SCPEP1: variants seen among roughly 807,000 people sequenced by gnomAD.
SCPEP1 encodes retinoid-inducible serine carboxypeptidase.
In SCPEP1, 51 loss-of-function variants were observed where a neutral mutation model predicts 63.8. The ratio of observed to expected loss-of-function variants is 0.80; its 90% CI spans 0.64 to 1.01. The LOEUF is 1.01. Among genes scored for constraint, SCPEP1 ranks in the 50% least tolerant of loss-of-function variants. The pLI is 0.00. For missense variants in SCPEP1, 499 were observed against 554.9 expected (o/e 0.90, Z 1.01); for synonymous variants, 204 against 207.8 (o/e 0.98, Z 0.16).
At chr17:56,987,886 T>A (rs1478531507) in intron 4 of SCPEP1, 36 bp downstream of exon 4, 1 of 1,609,434 alleles carries the variant, frequency 6.2e-7, no homozygotes, top group Non-Finnish European at 8.5e-7. Flanking sequence ...AGTAAAGGGC[T>A]GGCAATATCA....
chr17:56,986,591 G>A (rs1208563198), intron 3 of SCPEP1, among the ~76,000 whole-genome samples: 1 of 150,528 alleles, frequency 6.6e-6, no homozygotes, highest in Non-Finnish European at 1.5e-5. Context: ...TTTCGCCCAG[G>A]CCAGAGTGCA....
intron 5 of SCPEP1, among the ~76,000 whole-genome samples, chr17:56,988,581 A>G (rs1304741450): frequency 1.3e-5 from 2 of 152,014 alleles, no homozygotes; most frequent in Non-Finnish European, 2.9e-5. Context: ...ACACACATAT[A>G]TATGTATGTG....
chr17:56,995,857 C>CT (rs1300826320), intron 8 of SCPEP1: 6 of 267,734 alleles, frequency 2.2e-5, no homozygotes, highest in Non-Finnish European at 4.1e-5. Flanking sequence ...TTGTCCTTCA[C>CT]TAAATGTATG....
At position 56,985,430 on chromosome 17, in the gene SCPEP1, C is replaced by T; in HGVS notation, c.278C>T (p.Pro93Leu). 1.2e-6 allele frequency: 2 copies of T among 1,614,142 alleles called. No homozygotes were observed. The highest frequency in any genetic ancestry group is 4.5e-5 in the East Asian group (2 of 44,876). ...TGFGNFEEIG[P>L]LDSDLKPRKT... ...TTTGGAAACTTTGAGGAAATTGGGC[C>T]CCTTGACAGTGATCTCAAACCACGG... is the stretch of plus-strand genomic sequence containing the variant. The change falls in exon 3 of 13, where the codon CCC becomes CTC. Residue 93 changes from proline (P) to leucine (L), a missense_variant. Transcript: ENST00000262288.
intron 7 of SCPEP1, 89 bp from the exon 8 acceptor site, chr17:56,995,418 C>G: frequency 7.1e-7 from 1 of 1,414,052 alleles, no homozygotes; most frequent in Non-Finnish European, 9.7e-7. Flanking sequence ...CTTCCTTCCC[C>G]TCTTTCTCCT....
intron 1 of SCPEP1, among the ~76,000 whole-genome samples, chr17:56,978,535 G>T (rs1910982495): frequency 6.6e-6 from 1 of 151,984 alleles, no homozygotes; most frequent in African/African-American, 2.4e-5. Flanking sequence ...AGGTTTCCCC[G>T]ATTCAAAGGC....
In SCPEP1 at chr17:56,994,975, C is replaced by T. The variant is rs1019260258; in HGVS notation, c.620-6C>T. 6.2e-7 allele frequency: 1 copy of T among 1,612,140 alleles called. No individual in the cohort carries two copies. Among genetic ancestry groups the T allele is most frequent in the Non-Finnish European group, 8.5e-7 (1 of 1,178,282 alleles). On this transcript the variant is annotated splice_region_variant and splice_polypyrimidine_tract_variant and intron_variant, in intron 6 of 12. Transcript: ENST00000262288. ...ACTTGATTTGTACATATGTGATTTC[C>T]TTTAGATTCGGTGCTCTCCTGGGGA...
chr17:57,005,344 GTTTGTCACATATA>G (rs1911852565), intron 12 of SCPEP1, among the ~76,000 whole-genome samples: 1 of 152,186 alleles, frequency 6.6e-6, no homozygotes, highest in Non-Finnish European at 1.5e-5. Context: ...TTTCCTGTTG[GTTTGTCACATATA>G]GAACAACAGA....
At chr17:56,986,460 C>T (rs535915682) in intron 3 of SCPEP1, among the ~76,000 whole-genome samples, 1 of 152,076 alleles carries the variant, frequency 6.6e-6, no homozygotes, top group African/African-American at 2.4e-5. Flanking sequence ...CCTCGTGATC[C>T]ACCTGCCTCA....
At chr17:56,982,039 G>T (rs947057079) in intron 2 of SCPEP1, among the ~76,000 whole-genome samples, 16 of 152,296 alleles carry the variant, frequency 1.1e-4, no homozygotes, top group Middle Eastern at 3.4e-3. Context: ...TTAACCTTGA[G>T]CTCTGATTGT....
intron 5 of SCPEP1, 69 bp downstream of exon 5, chr17:56,988,359 C>G (rs867452456): frequency 7.6e-6 from 9 of 1,180,058 alleles, no homozygotes; most frequent in East Asian, 2.4e-5. Flanking sequence ...TATGTACTCA[C>G]GTGCTATTAA....
At chr17:56,997,708 C>G (rs1295735826) in intron 9 of SCPEP1, among the ~76,000 whole-genome samples, 1 of 152,038 alleles carries the variant, frequency 6.6e-6, no homozygotes, top group Non-Finnish European at 1.5e-5. Context: ...CCCTTCCCAC[C>G]CAGTTCCCTA....
At chr17:56,983,002 C>T (rs539666579) in intron 2 of SCPEP1, 2 of 152,130 alleles carry the variant, frequency 1.3e-5, no homozygotes, top group South Asian at 2.1e-4. Flanking sequence ...CTTTGAGAAT[C>T]GAAGTCATGT....
chr17:56,978,578 G>A (rs905335278), intron 1 of SCPEP1, among the ~76,000 whole-genome samples: 3 of 151,996 alleles, frequency 2.0e-5, no homozygotes, highest in African/African-American at 2.4e-5. Context: ...ATATAAGGTC[G>A]TTTTATTTTA....
intron 1 of SCPEP1, among the ~76,000 whole-genome samples, chr17:56,979,067 T>C (rs1910995680): frequency 6.6e-6 from 1 of 152,252 alleles, no homozygotes; most frequent in Non-Finnish European, 1.5e-5. Context: ...TAATCGTGTG[T>C]TACTTGTATA....
intron 9 of SCPEP1, among the ~76,000 whole-genome samples, chr17:56,997,348 T>C (rs988178043): frequency 6.6e-6 from 1 of 152,200 alleles, no homozygotes; most frequent in African/African-American, 2.4e-5. Context: ...TAGATTTTCC[T>C]TTTCTGAACA....
chr17:56,988,907 C>G (rs1911303501), intron 5 of SCPEP1, among the ~76,000 whole-genome samples: 1 of 152,048 alleles, frequency 6.6e-6, no homozygotes, highest in African/African-American at 2.4e-5. Flanking sequence ...AAAATTAGGA[C>G]AGAATGCAGT....
At chr17:56,979,791 T>C (rs970437614) in intron 1 of SCPEP1, among the ~76,000 whole-genome samples, 2 of 152,200 alleles carry the variant, frequency 1.3e-5, no homozygotes, top group African/African-American at 4.8e-5. Context: ...ACAGAAATTT[T>C]GTTGTATAGA....
At chr17:57,004,182 C>T (rs1231273348) in intron 12 of SCPEP1, among the ~76,000 whole-genome samples, 3 of 152,152 alleles carry the variant, frequency 2.0e-5, no homozygotes, top group Non-Finnish European at 1.5e-5. Flanking sequence ...GGCGAGATAG[C>T]GCCACTGCAC....
Sources: allele counts gnomAD v4.1 joint callset (sites outside exome capture counted in the v4.1 genomes callset), GRCh38; gene constraint gnomAD v4.1.1; transcripts MANE v1.5; gene names NCBI Gene and HGNC (gene_info 2026-07-23, HGNC 2026-07-21).